The following RNF17 variants were observed in gnomAD, a reference collection of about 807,000 sequenced individuals.
The protein encoded by RNF17 is spermatogenesis associated 23.
A neutral mutation model predicts 200.5 loss-of-function variants in RNF17; 31 were observed. The ratio of observed to expected loss-of-function variants is 0.15; its 90% CI spans 0.12 to 0.21. The LOEUF (loss-of-function observed/expected upper bound fraction) is 0.21. Among genes scored for constraint, RNF17 ranks in the 10% least tolerant of loss-of-function variants. RNF17 has a pLI of 1.00. For missense variants in RNF17, 1,628 were observed against 1,905.1 expected, an observed-to-expected ratio of 0.85 and a Z score of 2.71; for synonymous variants, 606 against 637.8, an observed-to-expected ratio of 0.95 and a Z score of 0.75.
chr13:24,875,649 A>G (rs548991697), intron 33 of RNF17, among the ~76,000 whole-genome samples: 193 of 152,332 alleles, frequency 1.3e-3, no homozygotes, highest in Non-Finnish European at 1.8e-3. Flanking sequence ...ACCCTGAAGC[A>G]TTTCTTCAAA....
At chr13:24,883,390 A>ATGAT, downstream of RNF17, 5 of 1,537,606 alleles carry the variant, frequency 3.3e-6, no homozygotes, top group Non-Finnish European at 1.8e-6. Context: ...TAAAAAAAAT[A>ATGAT]TGATTTCTTA....
chr13:24,777,129 G>A (rs1390893827), intron 3 of RNF17, among the ~76,000 whole-genome samples: 1 of 152,092 alleles, frequency 6.6e-6, no homozygotes, highest in African/African-American at 2.4e-5. Context: ...AGTAATCCTT[G>A]ACTCATTTAC....
chr13:24,884,830 C>T (rs546647053), downstream of RNF17, among the ~76,000 whole-genome samples: 3 of 152,130 alleles, frequency 2.0e-5, no homozygotes, highest in African/African-American at 4.8e-5. Flanking sequence ...ATTAGGTATT[C>T]GAAAAGTAAA....
intron 1 of RNF17, 101 bp downstream of exon 1, chr13:24,764,434 A>G (rs568933093): frequency 3.5e-6 from 5 of 1,420,254 alleles, no homozygotes; most frequent in Non-Finnish European, 3.7e-6. Context: ...GCTGCATCCA[A>G]TCCTGGTGTC....
At chr13:24,875,479 T>C (rs993305436) in intron 33 of RNF17, among the ~76,000 whole-genome samples, 3 of 152,154 alleles carry the variant, frequency 2.0e-5, no homozygotes, top group Non-Finnish European at 4.4e-5. Context: ...GCAGAAATAA[T>C]AGCCACCACC....
chr13:24,748,196 T>A, the RNF17 span, among the ~76,000 whole-genome samples: 1 of 152,246 alleles, frequency 6.6e-6, no homozygotes, highest in Non-Finnish European at 1.5e-5. Context: ...AATTGAGTTA[T>A]CGTGACACCC....
chr13:24,807,952 T>C (rs1222353004), intron 15 of RNF17, among the ~76,000 whole-genome samples: 5 of 152,090 alleles, frequency 3.3e-5, no homozygotes, highest in African/African-American at 1.2e-4. Flanking sequence ...GATCAGATAT[T>C]TGTAGATATG....
intron 22 of RNF17, 74 bp downstream of exon 22, chr13:24,845,153 T>C (rs1891117445): frequency 2.5e-6 from 2 of 806,508 alleles, no homozygotes; most frequent in Admixed American, 2.4e-5. Context: ...TTAATTTTGC[T>C]AAGATATTCT....
rs138750819 is a variant in RNF17 at position 24,822,004 on chromosome 13, T to C, written c.2092-3615T>C. On this transcript the variant is annotated intron_variant, in intron 15 of 35. Transcript: ENST00000255324. ...TCTGTCTCTAGTGAGAGAAAGGGGCTTCTGAAAGGGAAAGACTGGCTGGAG... is the reference window on the plus strand; with the variant it reads ...TCTGTCTCTAGTGAGAGAAAGGGGCCTCTGAAAGGGAAAGACTGGCTGGAG... Among the ~76,000 whole-genome samples the C allele has an allele frequency of 3.3e-5, 5 of 152,194 alleles. No homozygotes were observed. In the East Asian group the frequency reaches 9.7e-4, roughly 29 times the overall value.
intron 33 of RNF17, among the ~76,000 whole-genome samples, chr13:24,875,683 T>C (rs1894785418): frequency 6.6e-6 from 1 of 152,168 alleles, no homozygotes; most frequent in African/African-American, 2.4e-5. Context: ...AGAGGAAGCA[T>C]GACTTTCCCA....
In RNF17 at chr13:24,861,438, TTAA is replaced by T. The variant is rs758372298; in HGVS notation, c.3894+56_3894+58del. On this transcript the variant is annotated intron_variant, in intron 27 of 35. Coordinates refer to ENST00000255324, the MANE Select transcript of RNF17 (RefSeq NM_031277.3). ...GATTAATTTTAAATATTAGTTTTTA[TTAA>T]TAATTTTTTAGAAATATTTAGAATG... 5 of 1,209,882 alleles carry T rather than the reference TTAA, an allele frequency of 4.1e-6. No individual in the cohort carries two copies. In the South Asian group the frequency reaches 5.4e-5, roughly 13 times the overall value. The allele number at this position is 1,209,882 out of a possible 1,614,324, so 74.9% of individuals were successfully genotyped here.
chr13:24,854,519 C>T (rs1416798460), intron 25 of RNF17, among the ~76,000 whole-genome samples: 2 of 151,872 alleles, frequency 1.3e-5, no homozygotes, highest in South Asian at 2.1e-4. Flanking sequence ...AAAGAACATA[C>T]CAAGCTCCAA....
intron 16 of RNF17, among the ~76,000 whole-genome samples, chr13:24,827,083 C>T (rs192764391): frequency 6.6e-6 from 1 of 151,896 alleles, no homozygotes; most frequent in East Asian, 2.0e-4. Flanking sequence ...AGAGAAGTCA[C>T]CACGCCCGGC....
chr13:24,763,529 T>C (rs1879066901), upstream of RNF17, among the ~76,000 whole-genome samples: 1 of 152,012 alleles, frequency 6.6e-6, no homozygotes, highest in Non-Finnish European at 1.5e-5. Flanking sequence ...GAAGGCTAAT[T>C]CTTACTGTCT....
chr13:24,817,594 C>T (rs1199061179), intron 15 of RNF17, among the ~76,000 whole-genome samples: 1 of 151,922 alleles, frequency 6.6e-6, no homozygotes, highest in Non-Finnish European at 1.5e-5. Context: ...TGGTGGGCAC[C>T]TGTAGTCCCA....
chr13:24,804,188 G>A, intron 14 of RNF17, 100 bp from the exon 15 acceptor site: 2 of 1,082,184 alleles, frequency 1.8e-6, no homozygotes, highest in Non-Finnish European at 2.7e-6. Context: ...CTTGAGCCCA[G>A]AAGGGTAGAG....
intron 15 of RNF17, among the ~76,000 whole-genome samples, chr13:24,811,359 C>G (rs1239593794): frequency 6.6e-6 from 1 of 151,948 alleles, no homozygotes; most frequent in Non-Finnish European, 1.5e-5. Flanking sequence ...TCTTTTTTCT[C>G]TAAACTTCCC....
chr13:24,774,559 T>C (rs1450439727), intron 2 of RNF17, among the ~76,000 whole-genome samples: 2 of 152,234 alleles, frequency 1.3e-5, no homozygotes, highest in Non-Finnish European at 2.9e-5. Context: ...TCCTTTACAG[T>C]TATGGTAGAA....
At chr13:24,784,614 T>C (rs2137584216) in intron 6 of RNF17, among the ~76,000 whole-genome samples, 1 of 152,302 alleles carries the variant, frequency 6.6e-6, no homozygotes, top group South Asian at 2.1e-4. Flanking sequence ...GTTATATAAT[T>C]TGTGTACAGT....
Sources: gnomAD v4.1 joint callset for allele counts (sites outside exome capture counted in the v4.1 genomes callset) on GRCh38, gnomAD v4.1.1 for gene constraint, MANE v1.5 for transcripts, NCBI Gene and HGNC (gene_info 2026-07-23, HGNC 2026-07-21) for gene names.